Variants in FSHR observed in about 807,000 individuals in gnomAD.
FSHR encodes the protein follicle stimulating hormone receptor, also known as follicle-stimulating hormone receptor.
Under a neutral mutation model 52.1 loss-of-function variants are expected in FSHR, and 46 were observed. The ratio of observed to expected loss-of-function variants is 0.88; its 90% CI spans 0.70 to 1.13. FSHR has a LOEUF of 1.13. FSHR is among the 50% of genes most tolerant of loss of function. The pLI, the probability that FSHR is intolerant of heterozygous loss-of-function variation, is 0.00. For missense variants in FSHR, 964 were observed against 834.6 expected, an observed-to-expected ratio of 1.16 and a Z score of -1.91; for synonymous variants, 399 against 309.6, an observed-to-expected ratio of 1.29 and a Z score of -3.03.
At chr2:49,053,110 T>A (rs1487452909) in intron 2 of FSHR, among the ~76,000 whole-genome samples, 1 of 152,196 alleles carries the variant, frequency 6.6e-6, no homozygotes, top group African/African-American at 2.4e-5. Flanking sequence ...TGCAAATAAA[T>A]CACTTGATTA....
intron 4 of FSHR, among the ~76,000 whole-genome samples, chr2:48,992,989 T>C (rs1286127475): frequency 6.6e-6 from 1 of 152,006 alleles, no homozygotes; most frequent in Non-Finnish European, 1.5e-5. Flanking sequence ...TCATTTAGCA[T>C]TTTTTTTCCG....
intron 4 of FSHR, among the ~76,000 whole-genome samples, chr2:49,010,454 A>T (rs1019300325): frequency 6.6e-6 from 1 of 152,132 alleles, no homozygotes. Flanking sequence ...AGATTTTTGC[A>T]TCAATGTTCA....
chr2:48,971,832 T>C (rs1674754942), intron 8 of FSHR, among the ~76,000 whole-genome samples: 1 of 152,228 alleles, frequency 6.6e-6, no homozygotes, highest in African/African-American at 2.4e-5. Flanking sequence ...GTATCTCTAG[T>C]AATAATTGTC....
At chr2:49,018,641 A>G (rs1667583437) in intron 3 of FSHR, among the ~76,000 whole-genome samples, 2 of 152,164 alleles carry the variant, frequency 1.3e-5, no homozygotes, top group African/African-American at 2.4e-5. Flanking sequence ...GGTTCTTCCC[A>G]ACTAGACCAA....
At chr2:49,075,414 A>G (rs1669913656) in intron 1 of FSHR, among the ~76,000 whole-genome samples, 1 of 149,972 alleles carries the variant, frequency 6.7e-6, no homozygotes, top group African/African-American at 2.4e-5. Context: ...TAAAGAGAAG[A>G]ATAAAAATTC....
At chr2:49,123,226 C>T (rs536327082) in intron 1 of FSHR, among the ~76,000 whole-genome samples, 2 of 152,260 alleles carry the variant, frequency 1.3e-5, no homozygotes, top group East Asian at 1.9e-4. Flanking sequence ...TTCAGCCAGG[C>T]GCGGTGGTTC....
chr2:49,056,264 CAT>C (rs1230489662), intron 2 of FSHR, among the ~76,000 whole-genome samples: 1 of 151,424 alleles, frequency 6.6e-6, no homozygotes, highest in East Asian at 1.9e-4. Context: ...TGTAAAGACA[CAT>C]AGACTGAAAT....
chr2:48,962,671 A>G lies in FSHR; in HGVS notation c.*62T>C, dbSNP rs1408443060. On this transcript the variant is annotated 3_prime_UTR_variant, in exon 10 of 10. Transcript: ENST00000406846. ...AGAAGCACTGTCAGCTCTTTGTGAC[A>G]TACCCTTCAAAGGCAAGACTGAATT... The G allele has an allele frequency of 6.0e-6, 9 of 1,510,820 alleles. No homozygotes were observed. The African/African-American group carries it at 1.2e-4, about 21-fold the overall frequency. 93.6% of individuals were successfully genotyped at this position (1,510,820 alleles called of 1,614,324 possible).
intron 4 of FSHR, among the ~76,000 whole-genome samples, chr2:49,001,372 G>C (rs971449537): frequency 6.6e-6 from 1 of 152,088 alleles, no homozygotes; most frequent in African/African-American, 2.4e-5. Flanking sequence ...TGGCTCCCCT[G>C]CCTCTTGGTG....
At chr2:49,145,680 A>T (rs547371433) in intron 1 of FSHR, among the ~76,000 whole-genome samples, 13 of 152,252 alleles carry the variant, frequency 8.5e-5, no homozygotes, top group African/African-American at 3.1e-4. Flanking sequence ...GAGCAAGGAA[A>T]AACATTGTCA....
At chr2:49,010,942 G>C (rs1481919936) in intron 4 of FSHR, among the ~76,000 whole-genome samples, 2 of 151,824 alleles carry the variant, frequency 1.3e-5, no homozygotes, top group Non-Finnish European at 2.9e-5. Context: ...AGTCTTGCTA[G>C]TGGTCTATCA....
At chr2:48,963,998 A>C (rs1436778875) in intron 9 of FSHR, 32 bp from the exon 10 acceptor site, 3 of 1,595,618 alleles carry the variant, frequency 1.9e-6, no homozygotes, top group South Asian at 2.2e-5. Context: ...TAGAATCAAC[A>C]TCTCAGATCC....
At chr2:48,998,324 T>C (rs1434474892) in intron 4 of FSHR, among the ~76,000 whole-genome samples, 2 of 152,112 alleles carry the variant, frequency 1.3e-5, no homozygotes, top group Non-Finnish European at 2.9e-5. Context: ...GATAAAGCAT[T>C]GGGAAACATG....
At chr2:48,985,024 C>T (rs1434521834) in intron 6 of FSHR, among the ~76,000 whole-genome samples, 1 of 152,244 alleles carries the variant, frequency 6.6e-6, no homozygotes, top group South Asian at 2.1e-4. Context: ...GTGGGAATCT[C>T]AAGCTAGTAA....
intron 1 of FSHR, among the ~76,000 whole-genome samples, chr2:49,097,072 T>C (rs1471450320): frequency 6.6e-6 from 1 of 152,238 alleles, no homozygotes; most frequent in Non-Finnish European, 1.5e-5. Context: ...CAGTTATTGC[T>C]TTATAGCAAT....
chr2:48,968,601 T>C, intron 9 of FSHR, 97 bp downstream of exon 9: 1 of 1,425,576 alleles, frequency 7.0e-7, no homozygotes, highest in Non-Finnish European at 9.8e-7. Context: ...GGGAACTCTC[T>C]GCAAGTAGAT....
chr2:49,013,477 T>TATATAA lies in FSHR; in HGVS notation c.374+4011_374+4012insTTATAT, dbSNP rs1460087102. On this transcript the variant is annotated intron_variant, in intron 4 of 9. Coordinates refer to ENST00000406846, the MANE Select transcript of FSHR (RefSeq NM_000145.4). ...ATATATATATAAATATATATATATA[T>TATATAA]ATAAATAAATATATATATATATAAA... 9.1e-5 allele frequency among the ~76,000 whole-genome samples: 11 copies of TATATAA among 120,456 alleles called. No individual in the cohort carries two copies. In the East Asian group the frequency reaches 2.5e-3, roughly 28 times the overall value. 79.0% of individuals were successfully genotyped at this position (120,456 alleles called of 152,430 possible).
chr2:49,051,144 A>T (rs1047613633), intron 2 of FSHR, among the ~76,000 whole-genome samples: 2 of 152,128 alleles, frequency 1.3e-5, no homozygotes, highest in Non-Finnish European at 2.9e-5. Context: ...CTGCTGATGG[A>T]CATTTGAGTG....
At chr2:49,014,654 C>T (rs2104201220) in intron 4 of FSHR, 2 of 264,220 alleles carry the variant, frequency 7.6e-6, no homozygotes, top group Admixed American at 5.2e-5. Context: ...ATTCTGAATC[C>T]CTTGGTTTCA....
Sources: allele counts gnomAD v4.1 joint callset (sites outside exome capture counted in the v4.1 genomes callset), GRCh38; gene constraint gnomAD v4.1.1; transcripts MANE v1.5; gene names NCBI Gene and HGNC (gene_info 2026-07-23, HGNC 2026-07-21).